ADAMTSL1: variants seen among roughly 807,000 people sequenced by gnomAD.
The protein encoded by ADAMTSL1 is ADAMTS-like protein 1.
ADAMTSL1 carries 126 observed loss-of-function variants against 201.8 expected under a neutral mutation model. The observed-to-expected ratio is 0.62, with a 90% confidence interval of 0.54 to 0.72. The LOEUF is 0.72. Among genes scored for constraint, ADAMTSL1 ranks in the 30% least tolerant of loss-of-function variants. ADAMTSL1 has a pLI of 0.00. For missense variants in ADAMTSL1, 2,679 were observed against 2,277.8 expected, an observed-to-expected ratio of 1.18 and a Z score of -3.59; for synonymous variants, 1,121 against 903.4, an observed-to-expected ratio of 1.24 and a Z score of -4.32.
chr9:18,715,965 T>G (rs1832901503), intron 14 of ADAMTSL1, among the ~76,000 whole-genome samples: 1 of 151,004 alleles, frequency 6.6e-6, no homozygotes. Flanking sequence ...TTGAAAAACC[T>G]GAGAAAAACA....
chr9:18,212,793 G>A (rs1031174954), intron 2 of ADAMTSL1, among the ~76,000 whole-genome samples: 1 of 152,068 alleles, frequency 6.6e-6, no homozygotes, highest in Non-Finnish European at 1.5e-5. Context: ...TGGTGTGGAC[G>A]ATAACCCTTA....
intron 2 of ADAMTSL1, among the ~76,000 whole-genome samples, chr9:18,398,005 G>T (rs887671543): frequency 1.3e-5 from 2 of 152,142 alleles, no homozygotes; most frequent in Non-Finnish European, 2.9e-5. Flanking sequence ...GTATTGTCTT[G>T]CTCAGGGCAG....
At chr9:18,085,008 G>A (rs1172820213) in intron 1 of ADAMTSL1, among the ~76,000 whole-genome samples, 1 of 152,154 alleles carries the variant, frequency 6.6e-6, no homozygotes, top group Non-Finnish European at 1.5e-5. Context: ...AACCATGTGG[G>A]TATCTGGAGG....
chr9:18,020,580 G>C (rs996312982), intron 1 of ADAMTSL1, among the ~76,000 whole-genome samples: 2 of 152,172 alleles, frequency 1.3e-5, no homozygotes, highest in East Asian at 3.9e-4. Flanking sequence ...CAGCTCTTAT[G>C]AGAACTCACT....
intron 1 of ADAMTSL1, among the ~76,000 whole-genome samples, chr9:18,149,609 G>A (rs1826819496): frequency 6.6e-6 from 1 of 151,990 alleles, no homozygotes; most frequent in African/African-American, 2.4e-5. Context: ...AATATAATGA[G>A]ATTCCCCATT....
intron 1 of ADAMTSL1, among the ~76,000 whole-genome samples, chr9:17,986,591 T>C (rs1224715279): frequency 6.6e-6 from 1 of 152,106 alleles, no homozygotes; most frequent in African/African-American, 2.4e-5. Flanking sequence ...GTTAAGATTA[T>C]ATTGAATTTT....
intron 20 of ADAMTSL1, 147 bp from the exon 21 acceptor site, chr9:18,816,962 G>A (rs1046121321): frequency 1.8e-5 from 18 of 979,406 alleles, no homozygotes; most frequent in South Asian, 5.2e-5. Context: ...TATACTGTGC[G>A]CTTGCAATTT....
At chr9:17,966,398 G>A (rs1328917643) in intron 1 of ADAMTSL1, among the ~76,000 whole-genome samples, 2 of 152,108 alleles carry the variant, frequency 1.3e-5, no homozygotes, top group Non-Finnish European at 2.9e-5. Context: ...CCACCCAAGC[G>A]AAGAAACAGG....
At chr9:18,295,443 A>G (rs1056157370) in intron 2 of ADAMTSL1, among the ~76,000 whole-genome samples, 27 of 151,948 alleles carry the variant, frequency 1.8e-4, no homozygotes, top group African/African-American at 6.3e-4. Context: ...GGTTCAAGCA[A>G]TCCTTCTGCT....
intron 1 of ADAMTSL1, among the ~76,000 whole-genome samples, chr9:17,967,037 T>A (rs2131414536): frequency 6.6e-6 from 1 of 152,252 alleles, no homozygotes; most frequent in Non-Finnish European, 1.5e-5. Context: ...TTGACTGAAA[T>A]CAGATACTTT....
At chr9:18,070,285 C>G (rs1355138425) in intron 1 of ADAMTSL1, among the ~76,000 whole-genome samples, 1 of 152,136 alleles carries the variant, frequency 6.6e-6, no homozygotes. Context: ...CACAGAGGAG[C>G]CAGTGCTGGG....
intron 23 of ADAMTSL1, among the ~76,000 whole-genome samples, chr9:18,860,881 C>G (rs1827170714): frequency 6.6e-6 from 1 of 152,184 alleles, no homozygotes; most frequent in African/African-American, 2.4e-5. Flanking sequence ...ATTTCTGTCC[C>G]ACAGTAAGCG....
chr9:18,790,825 T>C (rs963432947), intron 19 of ADAMTSL1, among the ~76,000 whole-genome samples: 25 of 152,102 alleles, frequency 1.6e-4, no homozygotes, highest in Middle Eastern at 6.8e-3. Context: ...GCTAGAAAAA[T>C]AAAAAGTGTG....
chr9:18,274,481 T>C (rs1198566135), intron 2 of ADAMTSL1, among the ~76,000 whole-genome samples: 1 of 152,094 alleles, frequency 6.6e-6, no homozygotes, highest in African/African-American at 2.4e-5. Context: ...AGTTAGTAGT[T>C]TGAAAAGAAA....
chr9:18,085,353 G>A (rs757369371), intron 1 of ADAMTSL1, among the ~76,000 whole-genome samples: 1 of 151,936 alleles, frequency 6.6e-6, no homozygotes, highest in Non-Finnish European at 1.5e-5. Context: ...GAAAGTAATA[G>A]TATCTTCTTC....
chr9:17,979,126 G>C (rs1818579317), intron 1 of ADAMTSL1, among the ~76,000 whole-genome samples: 1 of 151,922 alleles, frequency 6.6e-6, no homozygotes, highest in Non-Finnish European at 1.5e-5. Flanking sequence ...TTGACAGTTT[G>C]ATTATAATGT....
At chr9:18,199,114 TC>T (rs113834551) in intron 2 of ADAMTSL1, among the ~76,000 whole-genome samples, 4 of 30,700 alleles carry the variant, frequency 1.3e-4, no homozygotes, top group South Asian at 1.1e-3. Context: ...TGTTGTGGGG[TC>T]GGGGGAGGCG....
At chr9:18,164,893 T>C (rs1827565815) in intron 2 of ADAMTSL1, among the ~76,000 whole-genome samples, 1 of 151,942 alleles carries the variant, frequency 6.6e-6, no homozygotes, top group Non-Finnish European at 1.5e-5. Context: ...TCATTGCCAT[T>C]CACAAGGCAC....
At chr9:18,393,484 G>A (rs1000861097) in intron 2 of ADAMTSL1, among the ~76,000 whole-genome samples, 2 of 152,090 alleles carry the variant, frequency 1.3e-5, no homozygotes, top group African/African-American at 4.8e-5. Context: ...AGGATAATTG[G>A]CTCCCTTAGA....
Sources: allele counts gnomAD v4.1 joint callset (sites outside exome capture counted in the v4.1 genomes callset), GRCh38; gene constraint gnomAD v4.1.1; transcripts MANE v1.5; gene names NCBI Gene and HGNC (gene_info 2026-07-23, HGNC 2026-07-21).